The following CRLF2 variants were observed in gnomAD, a reference collection of about 807,000 sequenced individuals.
CRLF2 encodes cytokine receptor-like factor 2.
CRLF2 carries 41 observed loss-of-function variants against 38.7 expected under a neutral mutation model. That is an observed-to-expected ratio of 1.06 (90% confidence interval 0.83 to 1.37). The LOEUF (loss-of-function observed/expected upper bound fraction) is 1.37, where lower values mean the gene tolerates loss of function less well. Ranked by LOEUF, CRLF2 falls within the 40% of genes most tolerant of loss-of-function variation. The pLI, the probability that CRLF2 is intolerant of heterozygous loss-of-function variation, is 0.00. For synonymous variants in CRLF2, 140 were observed against 128.8 expected (o/e 1.09, Z -0.59); for missense variants, 377 against 322.2 (o/e 1.17, Z -1.30).
chrX:1,208,361 C>G (rs2086728796), intron 2 of CRLF2, among the ~76,000 whole-genome samples: 1 of 152,158 alleles, frequency 6.6e-6, no homozygotes, highest in South Asian at 2.1e-4. Context: ...GAGTTTGAAA[C>G]CGGCCTGACC....
At chrX:1,208,138 C>T (rs2086725352) in intron 2 of CRLF2, among the ~76,000 whole-genome samples, 1 of 151,994 alleles carries the variant, frequency 6.6e-6, no homozygotes, top group Non-Finnish European at 1.5e-5. Flanking sequence ...GGGGTAGCCC[C>T]GGGTAAGGCT....
At chrX:1,201,976 A>G (rs1285658985) in intron 4 of CRLF2, among the ~76,000 whole-genome samples, 1 of 134,386 alleles carries the variant, frequency 7.4e-6, no homozygotes, top group Non-Finnish European at 1.7e-5. Context: ...TAGATGATAG[A>G]TTGAAAGACA....
rs1474684019 is a variant in CRLF2, at chrX:1,196,894, C to G, written c.653G>C (p.Cys218Ser). The G allele has an allele frequency of 1.2e-6, 2 of 1,612,698 alleles. No homozygotes were observed. The highest frequency in any genetic ancestry group is 1.7e-6 in the Non-Finnish European group (2 of 1,179,416). The part of the protein sequence containing the change: ...CWQRGEIRDA[C>S]AETPTPPKPK... ...TTTGGGAGGCGTTGGTGTCTCTGCA[C>G]AGGCATCTGAAACAAAATGAAAAGG... The change falls in exon 6 of 8, where the codon TGT becomes TCT. Residue 218 changes from cysteine to serine, a missense_variant. By Grantham distance (112) the Cys-to-Ser change is moderately radical (BLOSUM62 -1). Coordinates refer to ENST00000400841, the MANE Select transcript of CRLF2 (RefSeq NM_022148.4).
intron 4 of CRLF2, 72 bp downstream of exon 4, chrX:1,202,330 C>T: frequency 1.3e-6 from 2 of 1,579,752 alleles, no homozygotes; most frequent in Non-Finnish European, 1.7e-6. Flanking sequence ...TCTGATGAAA[C>T]AGCGAATCCC....
chrX:1,193,817 C>T (rs2086435598), intron 6 of CRLF2, among the ~76,000 whole-genome samples: 1 of 147,058 alleles, frequency 6.8e-6, no homozygotes, highest in South Asian at 2.2e-4. Context: ...AAAAATTAGC[C>T]AGGTGTGGTG....
intron 7 of CRLF2, among the ~76,000 whole-genome samples, chrX:1,193,014 T>C (rs2086420614): frequency 1.3e-5 from 2 of 151,358 alleles, no homozygotes; most frequent in Admixed American, 6.6e-5. Context: ...GGGTTTCACA[T>C]GTTGGCCAGG....
chrX:1,210,414 T>C (rs770315266), intron 1 of CRLF2, among the ~76,000 whole-genome samples: 58 of 152,216 alleles, frequency 3.8e-4, no homozygotes, highest in Admixed American at 3.0e-3. Flanking sequence ...CCCGGGTTCA[T>C]GCCATTCTCC....
Position 1,190,813 on chromosome X carries a change from G to T in CRLF2, c.*84C>A. On this transcript the variant is annotated 3_prime_UTR_variant, in exon 8 of 8. Transcript: ENST00000400841. ...TTGGCGTGGAGACTTCCCATCCATG[G>T]TGGTGTGGAGTCCCCGGGACAGTCC... 1 of 398,672 alleles carries T rather than the reference G, an allele frequency of 2.5e-6. No individual in the cohort carries two copies. The allele number at this position is 398,672 out of a possible 1,614,324, so 24.7% of individuals were successfully genotyped here. A position where few individuals can be genotyped will look rare whatever the true frequency, so the allele number is the denominator to read the frequency against.
In CRLF2 at chrX:1,198,977, C is replaced by T. The variant is rs1197291669; in HGVS notation, c.484-253G>A. ...CAGCCTGGCCAACATGGAGAAACCC[C>T]GTCTCTACTGATAATACAAAAATTA... On this transcript the variant is annotated intron_variant, in intron 4 of 7. Transcript: ENST00000400841. 1.3e-5 allele frequency: 7 copies of T among 539,424 alleles called. No homozygotes were observed. The East Asian group carries it at 1.4e-4, about 11-fold the overall frequency. 33.4% of individuals were successfully genotyped at this position (539,424 alleles called of 1,614,324 possible).
chrX:1,198,215 C>CCAG (rs1383101725), intron 5 of CRLF2, among the ~76,000 whole-genome samples: 362 of 21,168 alleles, frequency 0.017, 4 homozygotes, highest in Middle Eastern at 0.095. Context: ...CCTCCCACCT[C>CCAG]GAAGGCAGGA....
At chrX:1,193,650 T>C (rs1232672404) in intron 6 of CRLF2, among the ~76,000 whole-genome samples, 27,658 of 151,230 alleles carry the variant, frequency 0.18, 3,137 homozygotes, top group Admixed American at 0.25. Context: ...GGCGTGGTGG[T>C]GGGCACCTGT....
At chrX:1,210,758 A>G (rs1393727197) in intron 1 of CRLF2, among the ~76,000 whole-genome samples, 1 of 152,224 alleles carries the variant, frequency 6.6e-6, no homozygotes, top group African/African-American at 2.4e-5. Context: ...ATAGAATTAT[A>G]TAGATGATGA....
chrX:1,209,968 G>A (rs1284580719), intron 1 of CRLF2, among the ~76,000 whole-genome samples: 1 of 151,734 alleles, frequency 6.6e-6, no homozygotes, highest in Non-Finnish European at 1.5e-5. Flanking sequence ...GCTGGACATG[G>A]TGGTGGGTAC....
At chrX:1,203,095 CAAAAAAAAAAAAA>C (rs782280523) in intron 3 of CRLF2, among the ~76,000 whole-genome samples, 2 of 66,942 alleles carry the variant, frequency 3.0e-5, no homozygotes, top group Admixed American at 2.1e-4. Context: ...GAGACTATCT[CAAAAAAAAAAAAA>C]AAAAAAAAAA....
intron 2 of CRLF2, among the ~76,000 whole-genome samples, chrX:1,208,219 A>T (rs1206943448): frequency 6.6e-6 from 1 of 152,062 alleles, no homozygotes; most frequent in Non-Finnish European, 1.5e-5. Context: ...GTTCACCCAG[A>T]GCTCTGGGTG....
rs756530595 is a variant in CRLF2 at position 1,196,918 on chromosome X, GGCGGCTGTCAGTTTTCAACATGACGT to G, written c.647-44_647-19del. 1.1e-5 allele frequency: 18 copies of G among 1,610,830 alleles called. No individual in the cohort carries two copies. The highest frequency in any genetic ancestry group is 1.4e-5 in the Non-Finnish European group (17 of 1,178,238). On this transcript the variant is annotated intron_variant, in intron 5 of 7. Coordinates refer to ENST00000400841, the MANE Select transcript of CRLF2 (RefSeq NM_022148.4). ...ACAGGCATCTGAAACAAAATGAAAAGGCGGCTGTCAGTTTTCAACATGACGTGCGGCTGTACGTTTTCAACGTGATG... is the reference window on the plus strand; with the variant it reads ...ACAGGCATCTGAAACAAAATGAAAAGGCGGCTGTACGTTTTCAACGTGATG...
intron 1 of CRLF2, among the ~76,000 whole-genome samples, chrX:1,211,416 T>G (rs2147858665): frequency 2.0e-5 from 2 of 99,632 alleles, no homozygotes; most frequent in Admixed American, 1.1e-4. Flanking sequence ...TGGATAAAAG[T>G]GTGGGTGAAT....
At chrX:1,208,762 T>A (rs147809511) in intron 2 of CRLF2, 44 bp downstream of exon 2, 21,892 of 1,169,258 alleles carry the variant, frequency 0.019, 582 homozygotes, top group South Asian at 0.1. Flanking sequence ...AAGAGCGATT[T>A]TGAGCCCCCT....
intron 7 of CRLF2, among the ~76,000 whole-genome samples, chrX:1,192,762 T>G (rs1324004107): frequency 7.2e-6 from 1 of 139,136 alleles, no homozygotes; most frequent in Non-Finnish European, 1.6e-5. Context: ...CTTTCTTTCT[T>G]TCTTTCCTTC....
Sources: gnomAD v4.1 joint callset for allele counts (sites outside exome capture counted in the v4.1 genomes callset) on GRCh38, gnomAD v4.1.1 for gene constraint, MANE v1.5 for transcripts, NCBI Gene and HGNC (gene_info 2026-07-23, HGNC 2026-07-21) for gene names.